Variants in PPM1A observed in about 807,000 individuals in gnomAD.
PPM1A encodes protein phosphatase, Mg2+/Mn2+ dependent 1A.
In PPM1A, 7 loss-of-function variants were observed where a neutral mutation model predicts 35.0. The ratio of observed to expected loss-of-function variants is 0.20; its 90% CI spans 0.11 to 0.38. The LOEUF is 0.38. Ranked by LOEUF, PPM1A falls within the 10% of genes least tolerant of loss-of-function variation. The pLI is 1.00. For missense variants in PPM1A, 239 were observed against 467.8 expected (o/e 0.51, Z 4.51); for synonymous variants, 153 against 167.3 (o/e 0.91, Z 0.66).
intron 1 of PPM1A, among the ~76,000 whole-genome samples, chr14:60,263,773 G>T (rs1381394279): frequency 6.6e-6 from 1 of 151,968 alleles, no homozygotes; most frequent in African/African-American, 2.4e-5. Context: ...ATACCTTGTT[G>T]GGCATTTTGT....
intron 3 of PPM1A, chr14:60,286,531 GA>G (rs1237182625): frequency 1.5e-4 from 144 of 983,646 alleles, no homozygotes; most frequent in Middle Eastern, 5.2e-4. Flanking sequence ...AAAAAAACAA[GA>G]AAAAAATTTT....
intron 1 of PPM1A, among the ~76,000 whole-genome samples, chr14:60,258,734 A>G (rs762133886): frequency 6.6e-6 from 1 of 152,100 alleles, no homozygotes; most frequent in Non-Finnish European, 1.5e-5. Context: ...TTTTTCCTGC[A>G]TAGAAGATAA....
At chr14:60,256,334 T>C (rs1347333156) in intron 1 of PPM1A, among the ~76,000 whole-genome samples, 1 of 152,156 alleles carries the variant, frequency 6.6e-6, no homozygotes. Flanking sequence ...CCCAGGAGGC[T>C]GAGCAGGGGA....
chr14:60,282,786 G>C lies in PPM1A; in HGVS notation c.83G>C (p.Ser28Thr). ...QGNGLRYGLSSMQGWRVEMED... is the reference protein window; with the variant it reads ...QGNGLRYGLSTMQGWRVEMED... ...AATGGGTTGCGATATGGGCTAAGCAGCATGCAAGGCTGGCGTGTTGAAATG... is the reference window on the plus strand; with the variant it reads ...AATGGGTTGCGATATGGGCTAAGCACCATGCAAGGCTGGCGTGTTGAAATG... The change falls in exon 2 of 6, where the codon AGC (serine) becomes ACC (threonine). Residue 28 changes from serine to threonine, a missense_variant. This residue lies in a region of PPM1A where 175 missense variants were observed against 389.2 expected (regional missense o/e 0.45). Transcript: ENST00000395076. The surrounding 1 kb of genome is among the most constrained non-coding windows in gnomAD (Gnocchi z 5.1). 1 of 1,614,254 alleles carries C rather than the reference G, an allele frequency of 6.2e-7. No individual in the cohort carries two copies. The highest frequency in any genetic ancestry group is 8.5e-7 in the Non-Finnish European group (1 of 1,180,048).
At position 60,289,357 on chromosome 14, in the gene PPM1A, T is replaced by C. The variant is rs1887382705; in HGVS notation, c.953-449T>C. ...ATTGAGTTAGTATATAATCTATAAATTCCCCTATAATTAAGGGTTGTTATT... is the reference window on the plus strand; with the variant it reads ...ATTGAGTTAGTATATAATCTATAAACTCCCCTATAATTAAGGGTTGTTATT... On this transcript the variant is annotated intron_variant, in intron 3 of 5. Coordinates refer to ENST00000395076, the MANE Select transcript of PPM1A (RefSeq NM_021003.5). The surrounding 1 kb of genome is among the most constrained non-coding windows in gnomAD (Gnocchi z 4.1). 6.6e-6 allele frequency among the ~76,000 whole-genome samples: 1 copy of C among 152,240 alleles called. No homozygotes were observed. The highest frequency in any genetic ancestry group is 1.5e-5 in the Non-Finnish European group (1 of 67,972).
At chr14:60,269,634 C>T (rs1448378548) in intron 1 of PPM1A, among the ~76,000 whole-genome samples, 10 of 152,028 alleles carry the variant, frequency 6.6e-5, no homozygotes, top group Non-Finnish European at 1.0e-4. Flanking sequence ...CTGCAGCCTC[C>T]GCCTCCTGGG....
intron 1 of PPM1A, among the ~76,000 whole-genome samples, chr14:60,275,695 G>C (rs1885669053): frequency 6.6e-6 from 1 of 152,006 alleles, no homozygotes; most frequent in South Asian, 2.1e-4. Context: ...GGCTGGTCTT[G>C]AACTGCCCTC....
chr14:60,255,406 C>T (rs1329969221), intron 1 of PPM1A, among the ~76,000 whole-genome samples: 2 of 151,622 alleles, frequency 1.3e-5, no homozygotes, highest in East Asian at 1.9e-4. Flanking sequence ...CTCCTGACCT[C>T]GTGATCCGCC....
upstream of PPM1A, chr14:60,245,854 T>A (rs755441445): frequency 1.3e-6 from 2 of 1,589,852 alleles, no homozygotes; most frequent in South Asian, 2.3e-5. The surrounding 1 kb of genome is among the most constrained non-coding windows in gnomAD (Gnocchi z 4.2). Context: ...TCGCATGTTC[T>A]GTTCTGGGAG....
rs1458860726 is a variant in PPM1A at position 60,273,985 on chromosome 14, C to T, written c.-20-8699C>T. Among the ~76,000 whole-genome samples the T allele has an allele frequency of 6.6e-6, 1 of 152,154 alleles. No homozygotes were observed. Among genetic ancestry groups the T allele is most frequent in the East Asian group, 1.9e-4 (1 of 5,202 alleles). On this transcript the variant is annotated intron_variant, in intron 1 of 5. Transcript: ENST00000395076. The surrounding 1 kb of genome is among the most constrained non-coding windows in gnomAD (Gnocchi z 4.3). ...CCAGTGAATGTTCTTGGTTTGTATT[C>T]ACCTTGGTGGGTGATGGTGCCATTC... is the stretch of plus-strand genomic sequence containing the variant.
At chr14:60,285,918 C>CA in intron 3 of PPM1A, 177 bp downstream of exon 3, 1 of 1,315,404 alleles carries the variant, frequency 7.6e-7, no homozygotes, top group Non-Finnish European at 9.7e-7. Context: ...TGTCCTATCA[C>CA]AGTTATATTA....
Position 60,283,582 on chromosome 14 carries a change from T to A in PPM1A, c.834+45T>A. On this transcript the variant is annotated intron_variant, in intron 2 of 5. Transcript: ENST00000395076. The surrounding 1 kb of genome is among the most constrained non-coding windows in gnomAD (Gnocchi z 6.3). The stretch of plus-strand genomic sequence containing the variant: ...AAACATAAAATGATTTTATGCCATA[T>A]TAATCACTACTCTAGTATTTAATCA... 1 of 1,536,114 alleles carries A rather than the reference T, an allele frequency of 6.5e-7. No individual in the cohort carries two copies. The highest frequency in any genetic ancestry group is 1.4e-5 in the African/African-American group (1 of 72,546).
intron 3 of PPM1A, chr14:60,286,413 T>C: frequency 6.1e-6 from 6 of 984,478 alleles, no homozygotes; most frequent in Non-Finnish European, 7.2e-6. Flanking sequence ...TTCCAGTTTA[T>C]TGCATATATG....
At chr14:60,268,430 T>A in intron 1 of PPM1A, 2 of 961,856 alleles carry the variant, frequency 2.1e-6, no homozygotes, top group Non-Finnish European at 2.5e-6. Context: ...AAATTCTATT[T>A]GTGAGGTGAG....
intron 3 of PPM1A, chr14:60,286,986 C>T (rs1887086655): frequency 2.3e-6 from 2 of 883,028 alleles, no homozygotes; most frequent in Admixed American, 6.2e-5. Flanking sequence ...ATGCTACAAT[C>T]ATTGGTTCAA....
chr14:60,246,176 T>C, upstream of PPM1A: 1 of 878,162 alleles, frequency 1.1e-6, no homozygotes, highest in Non-Finnish European at 1.7e-6. Context: ...GGGGGTCATT[T>C]ACATTACTGC....
In PPM1A at chr14:60,283,174, T is replaced by C; in HGVS notation, c.471T>C (p.Val157=). The C allele has an allele frequency of 4.3e-6, 7 of 1,614,210 alleles. No individual in the cohort carries two copies. The highest frequency in any genetic ancestry group is 5.1e-6 in the Non-Finnish European group (6 of 1,180,042). The stretch of plus-strand genomic sequence containing the variant: ...GTTTACTTTGTAGGAACAGGAAAGT[T>C]CATTTCTTCACACAAGATCACAAAC... ...SRGLLCRNRK[V]HFFTQDHKPS... Residue 157 remains valine, a synonymous_variant, in exon 2 of 6, where the codon GTT becomes GTC. Coordinates refer to ENST00000395076, the MANE Select transcript of PPM1A (RefSeq NM_021003.5). This position sits in a 1 kb window ranked among gnomAD's most constrained non-coding sequence, Gnocchi z 6.3.
intron 1 of PPM1A, among the ~76,000 whole-genome samples, chr14:60,268,885 T>C (rs1314299273): frequency 2.0e-5 from 3 of 151,862 alleles, no homozygotes; most frequent in Non-Finnish European, 4.4e-5. Flanking sequence ...CTTTACACAT[T>C]ATCAATATCT....
In PPM1A at chr14:60,269,624, C is replaced by T. The variant is rs539690136; in HGVS notation, c.-20-13060C>T. 1.2e-4 allele frequency among the ~76,000 whole-genome samples: 18 copies of T among 152,292 alleles called. 1 individual carries two copies. The highest frequency in any genetic ancestry group is 4.3e-4 in the African/African-American group (18 of 41,542). The stretch of plus-strand genomic sequence containing the variant: ...AGTGCAATGGTGCGATCTAGGCTCA[C>T]TGCAGCCTCCGCCTCCTGGGTTCAA... On this transcript the variant is annotated intron_variant, in intron 1 of 5. Coordinates refer to ENST00000395076, the MANE Select transcript of PPM1A (RefSeq NM_021003.5).
Sources: allele counts gnomAD v4.1 joint callset (sites outside exome capture counted in the v4.1 genomes callset), GRCh38; gene constraint gnomAD v4.1.1; regional missense constraint gnomAD v4.1.1; non-coding constraint Gnocchi (gnomAD v3.1); transcripts MANE v1.5; gene names NCBI Gene and HGNC (gene_info 2026-07-23, HGNC 2026-07-21).